HERC6: variants seen among roughly 807,000 people sequenced by gnomAD.
HERC6 encodes probable E3 ubiquitin-protein ligase HERC6.
In HERC6, 101 loss-of-function variants were observed where a neutral mutation model predicts 114.5. The observed-to-expected ratio is 0.88, with a 90% CI of 0.75 to 1.04. The LOEUF is 1.04. Among genes scored for constraint, HERC6 ranks in the 50% least tolerant of loss-of-function variants. The pLI, the probability that HERC6 is intolerant of heterozygous loss-of-function variation, is 0.00. For synonymous variants in HERC6, 408 were observed against 436.2 expected (o/e 0.94, Z 0.81); for missense variants, 1,133 against 1,230.9 (o/e 0.92, Z 1.19).
chr4:88,379,845 A>G lies in HERC6; in HGVS notation c.199+725A>G, dbSNP rs1382378571. ...TAACATATAAATATATATAATATAT[A>G]AATATATATATAGCATATAAATATA... On this transcript the variant is annotated intron_variant, in intron 1 of 22. Transcript: ENST00000264346. 8.1e-5 allele frequency among the ~76,000 whole-genome samples: 6 copies of G among 73,926 alleles called. 1 individual carries two copies. Among genetic ancestry groups the G allele is most frequent in the South Asian group, 7.2e-4 (2 of 2,760 alleles). The allele number at this position is 73,926 out of a possible 152,430, so 48.5% of individuals were successfully genotyped here.
Position 88,405,881 on chromosome 4 carries a change from A to T in HERC6, c.1274+268A>T, listed in dbSNP as rs78017253. Among the ~76,000 whole-genome samples the T allele has an allele frequency of 1.6e-3, 245 of 152,284 alleles. 3 individuals are homozygous for T. The East Asian group carries it at 0.044, about 27-fold the overall frequency. On this transcript the variant is annotated intron_variant, in intron 10 of 22. Transcript: ENST00000264346. ...TTAGAAGGAATGGTGTTTTTTCAGG[A>T]TCTTTGTATATACAAAGGATCGGCT... is the stretch of plus-strand genomic sequence containing the variant.
At chr4:88,427,401 T>C (rs896346128) in intron 15 of HERC6, among the ~76,000 whole-genome samples, 4 of 152,164 alleles carry the variant, frequency 2.6e-5, no homozygotes, top group African/African-American at 9.7e-5. Flanking sequence ...CTCAGACCCA[T>C]GGAACATGTT....
At chr4:88,416,489 AAAAAATTT>A (rs752272354) in intron 12 of HERC6, among the ~76,000 whole-genome samples, 18 of 152,056 alleles carry the variant, frequency 1.2e-4, no homozygotes, top group Non-Finnish European at 2.5e-4. Flanking sequence ...GAATTATTTT[AAAAAATTT>A]TAATGTAGCC....
chr4:88,403,902 T>C (rs1735673110), intron 8 of HERC6, among the ~76,000 whole-genome samples: 1 of 152,188 alleles, frequency 6.6e-6, no homozygotes, highest in Non-Finnish European at 1.5e-5. Context: ...TTAGTGACAG[T>C]GACATTAATT....
chr4:88,383,437 G>C, intron 2 of HERC6, 57 bp downstream of exon 2: 3 of 1,347,124 alleles, frequency 2.2e-6, no homozygotes, highest in Non-Finnish European at 2.9e-6. Flanking sequence ...CATGTGCCAG[G>C]CACTGTGCAA....
intron 1 of HERC6, among the ~76,000 whole-genome samples, chr4:88,382,119 A>G (rs1005960373): frequency 1.3e-5 from 2 of 152,164 alleles, no homozygotes; most frequent in African/African-American, 4.8e-5. Context: ...TCTTTGGGAA[A>G]TTTTAACCTT....
At chr4:88,402,189 CAGAGA>C (rs1399711172) in intron 8 of HERC6, among the ~76,000 whole-genome samples, 2 of 151,250 alleles carry the variant, frequency 1.3e-5, no homozygotes, top group Non-Finnish European at 3.0e-5. Context: ...GTATGATGGT[CAGAGA>C]AGAGAACATT....
chr4:88,389,733 C>G (rs1734792389), intron 3 of HERC6, among the ~76,000 whole-genome samples: 1 of 151,992 alleles, frequency 6.6e-6, no homozygotes, highest in Non-Finnish European at 1.5e-5. Context: ...CTCTGTTTTA[C>G]CTTTTAAAGA....
intron 8 of HERC6, among the ~76,000 whole-genome samples, chr4:88,404,659 T>C (rs992570839): frequency 5.9e-5 from 9 of 152,250 alleles, no homozygotes; most frequent in Admixed American, 2.6e-4. Flanking sequence ...CTTTTTTTTT[T>C]CTTTTTTAAT....
At chr4:88,426,585 T>A (rs1737651723) in intron 15 of HERC6, among the ~76,000 whole-genome samples, 1 of 152,140 alleles carries the variant, frequency 6.6e-6, no homozygotes, top group Non-Finnish European at 1.5e-5. Context: ...TTTCAACTGA[T>A]TCTCCTGCCT....
intron 13 of HERC6, among the ~76,000 whole-genome samples, chr4:88,420,769 T>G (rs1278412291): frequency 6.6e-6 from 1 of 152,172 alleles, no homozygotes; most frequent in Non-Finnish European, 1.5e-5. Context: ...TTGTCTCTAT[T>G]TTTTTAAAAA....
At chr4:88,436,999 GT>G in intron 19 of HERC6, 28 bp downstream of exon 19, 1 of 1,483,016 alleles carries the variant, frequency 6.7e-7, no homozygotes. Flanking sequence ...CCAAATTATA[GT>G]TTAGCTTTAA....
intron 1 of HERC6, 28 bp downstream of exon 1, chr4:88,379,148 G>C: frequency 6.6e-7 from 1 of 1,516,010 alleles, no homozygotes. Context: ...GGTGCAGGGT[G>C]TGAGGACCCC....
chr4:88,409,794 T>G (rs1003194309), intron 11 of HERC6, among the ~76,000 whole-genome samples: 1 of 152,226 alleles, frequency 6.6e-6, no homozygotes, highest in African/African-American at 2.4e-5. Context: ...GATTCTGGGT[T>G]GTATTGGGAA....
intron 4 of HERC6, 116 bp from the exon 5 acceptor site, chr4:88,393,372 A>G: frequency 6.8e-6 from 3 of 441,472 alleles, no homozygotes; most frequent in Non-Finnish European, 1.2e-5. Context: ...AATTATAAGA[A>G]TAATAAAATA....
chr4:88,383,413 AATATATATAGTAC>A, intron 2 of HERC6, 33 bp downstream of exon 2: 1 of 1,450,322 alleles, frequency 6.9e-7, no homozygotes, highest in Middle Eastern at 1.8e-4. Context: ...TCATTTATTC[AATATATATAGTAC>A]CATGTGCCAG....
chr4:88,439,395 AAAGGGAAGG>A lies in HERC6; in HGVS notation c.2556-478_2556-470del, dbSNP rs1560579652. On this transcript the variant is annotated intron_variant, in intron 20 of 22. Transcript: ENST00000264346. Reference sequence around the variant, plus strand: ...AAGAGAAAGAAAGAAGAAAGAAAGAAAAGGGAAGGGAAAGGGAAAGGGAAGGGAAGGGAA... The same window carrying A: ...AAGAGAAAGAAAGAAGAAAGAAAGAAGAAAGGGAAAGGGAAGGGAAGGGAA... 6.6e-3 allele frequency among the ~76,000 whole-genome samples: 1,001 copies of A among 151,706 alleles called. 9 individuals are homozygous for A. The highest frequency in any genetic ancestry group is 0.022 in the African/African-American group (927 of 41,238).
chr4:88,381,807 C>T (rs1374918252), intron 1 of HERC6, among the ~76,000 whole-genome samples: 2 of 152,072 alleles, frequency 1.3e-5, no homozygotes, highest in Admixed American at 6.6e-5. Flanking sequence ...CCACCCGCCT[C>T]GGCCTCCCAA....
chr4:88,404,841 G>A, intron 8 of HERC6, 35 bp from the exon 9 acceptor site: 1 of 1,609,258 alleles, frequency 6.2e-7, no homozygotes, highest in Non-Finnish European at 8.5e-7. Flanking sequence ...ACGTGTGTGT[G>A]TTCCTGATCA....
Sources: gnomAD v4.1 joint callset for allele counts (sites outside exome capture counted in the v4.1 genomes callset) on GRCh38, gnomAD v4.1.1 for gene constraint, MANE v1.5 for transcripts, NCBI Gene and HGNC (gene_info 2026-07-23, HGNC 2026-07-21) for gene names.